NCOA7: variants seen among roughly 807,000 people sequenced by gnomAD.
NCOA7 encodes the protein nuclear receptor coactivator 7.
Under a neutral mutation model 104.3 loss-of-function variants are expected in NCOA7, and 45 were observed. The observed-to-expected ratio is 0.43, with a 90% CI of 0.34 to 0.55. The LOEUF (loss-of-function observed/expected upper bound fraction) is 0.55. NCOA7 is among the 20% of genes least tolerant of loss of function. The pLI, the probability that NCOA7 is intolerant of heterozygous loss-of-function variation, is 0.02. For synonymous variants in NCOA7, 398 were observed against 402.3 expected (o/e 0.99, Z 0.13); for missense variants, 1,041 against 1,119.7 (o/e 0.93, Z 1.00).
At position 125,920,962 on chromosome 6, in the gene NCOA7, C is replaced by G; in HGVS notation, c.2264C>G (p.Ala755Gly). The G allele has an allele frequency of 6.2e-7, 1 of 1,613,350 alleles. No individual in the cohort carries two copies. Among genetic ancestry groups the G allele is most frequent in the East Asian group, 2.2e-5 (1 of 44,828 alleles). Residue 755 changes from alanine (A) to glycine (G), a missense_variant, in exon 12 of 16, where the codon GCA becomes GGA. This residue lies in a region of NCOA7 where 914 missense variants were observed against 942.7 expected (regional missense o/e 0.97). Coordinates refer to ENST00000392477, the MANE Select transcript of NCOA7 (RefSeq NM_181782.5). ...TTTCAGATCATCACTGTTGAAGAGGCAAAGCGCAGGAAGAGCACATGCAGC... is the reference window on the plus strand; with the variant it reads ...TTTCAGATCATCACTGTTGAAGAGGGAAAGCGCAGGAAGAGCACATGCAGC... ...KSWEIITVEE[A>G]KRRKSTCSYY...
In NCOA7 at chr6:125,885,338, G is replaced by A. The variant is rs1784166847; in HGVS notation, c.879G>A (p.Leu293=). 1 of 1,612,866 alleles carries A rather than the reference G, an allele frequency of 6.2e-7. No homozygotes were observed. Among genetic ancestry groups the A allele is most frequent in the Non-Finnish European group, 8.5e-7 (1 of 1,179,182 alleles). Residue 293 remains leucine (L), a synonymous_variant, in exon 8 of 16, where the codon TTG becomes TTA. Coordinates refer to ENST00000392477, the MANE Select transcript of NCOA7 (RefSeq NM_181782.5). The part of the protein sequence containing the change: ...DISHMKIKDA[L]PSDLPQDLCP... ...CTCACATGAAGATCAAAGATGCCTT[G>A]CCATCGTAAGACATTTATTTGTTTA...
intron 10 of NCOA7, among the ~76,000 whole-genome samples, chr6:125,891,137 G>A (rs1784593246): frequency 1.3e-5 from 2 of 152,256 alleles, no homozygotes; most frequent in African/African-American, 4.8e-5. Context: ...GGAATACTAT[G>A]GAGCAGATCC....
chr6:125,796,398 A>G (rs1775337838), intron 1 of NCOA7, among the ~76,000 whole-genome samples: 1 of 129,016 alleles, frequency 7.8e-6, no homozygotes. Context: ...GGTTCCAGGT[A>G]GTGGGTTCCA....
chr6:125,857,682 T>C (rs1781691190), intron 3 of NCOA7, among the ~76,000 whole-genome samples: 1 of 152,012 alleles, frequency 6.6e-6, no homozygotes, highest in South Asian at 2.1e-4. Context: ...TGCCTCAGCC[T>C]CTCGAGTAGC....
Position 125,882,542 on chromosome 6 carries a change from C to T in NCOA7, c.690C>T (p.Thr230=), listed in dbSNP as rs762632268. The T allele has an allele frequency of 8.0e-5, 129 of 1,612,486 alleles. No homozygotes were observed. Among genetic ancestry groups the T allele is most frequent in the Non-Finnish European group, 9.7e-5 (114 of 1,179,254 alleles). ...KFLKMNCRYF[T]DGKGVVGGVM... ...TAAAAATGAATTGTCGATACTTCACCGATGGAAAGGTATATAGCAATGTAA... is the reference window on the plus strand; with the variant it reads ...TAAAAATGAATTGTCGATACTTCACTGATGGAAAGGTATATAGCAATGTAA... The change falls in exon 7 of 16, where the codon ACC becomes ACT. Residue 230 remains threonine, a synonymous_variant. Transcript: ENST00000392477.
intron 1 of NCOA7, among the ~76,000 whole-genome samples, chr6:125,805,087 C>CTTTTTTTTTTTTT (rs59737297): frequency 1.0e-4 from 6 of 58,040 alleles, no homozygotes; most frequent in African/African-American, 2.5e-4. Context: ...CCCTCTTGTT[C>CTTTTTTTTTTTTT]TTTTTTTTTT....
intron 3 of NCOA7, among the ~76,000 whole-genome samples, chr6:125,856,424 C>T (rs1781556610): frequency 1.3e-5 from 2 of 152,070 alleles, no homozygotes; most frequent in South Asian, 4.1e-4. Context: ...GCGATCTCGG[C>T]TCACTGTAAG....
Position 125,890,780 on chromosome 6 carries a change from C to G in NCOA7, c.2066C>G (p.Pro689Arg). The G allele has an allele frequency of 6.2e-7, 1 of 1,612,362 alleles. No individual in the cohort carries two copies. Among genetic ancestry groups the G allele is most frequent in the Non-Finnish European group, 8.5e-7 (1 of 1,179,288 alleles). Residue 689 changes from proline (P) to arginine (R), a missense_variant, in exon 10 of 16, where the codon CCA becomes CGA. Physicochemically the swap from Pro to Arg is moderately radical, Grantham distance 103. Around this residue, in one of 2 missense-constraint regions of NCOA7, gnomAD observed 914 missense variants for 942.7 expected, o/e 0.97. Coordinates refer to ENST00000392477, the MANE Select transcript of NCOA7 (RefSeq NM_181782.5). Reference sequence around the variant, plus strand: ...CAGTACGGCAAACGGAGAAAGCAGCCAGAGTACTGGTTTGCTGTTCCTCGG... The same window carrying G: ...CAGTACGGCAAACGGAGAAAGCAGCGAGAGTACTGGTTTGCTGTTCCTCGG... ...VQQYGKRRKQ[P>R]EYWFAVPRER...
chr6:125,899,953 G>A (rs760866537), intron 10 of NCOA7: 9 of 530,834 alleles, frequency 1.7e-5, no homozygotes, highest in South Asian at 4.2e-5. Context: ...TAGCTTTGGA[G>A]AATAGCTGAG....
At chr6:125,845,798 C>T (rs1397833604) in intron 2 of NCOA7, among the ~76,000 whole-genome samples, 1 of 152,080 alleles carries the variant, frequency 6.6e-6, no homozygotes, top group Non-Finnish European at 1.5e-5. Context: ...TCTTCTCTCC[C>T]CACTCATTGA....
intron 3 of NCOA7, among the ~76,000 whole-genome samples, chr6:125,870,061 G>A (rs955079827): frequency 6.6e-6 from 1 of 152,154 alleles, no homozygotes; most frequent in African/African-American, 2.4e-5. Flanking sequence ...GCCTTGCTCT[G>A]TGCATCATAA....
chr6:125,830,031 T>C (rs1204026616), intron 2 of NCOA7, among the ~76,000 whole-genome samples: 3 of 152,222 alleles, frequency 2.0e-5, no homozygotes, highest in Non-Finnish European at 2.9e-5. Flanking sequence ...GTTTTCAGCC[T>C]GGACTTGAAC....
In NCOA7 at chr6:125,890,809, A is replaced by T. The variant is rs779757696; in HGVS notation, c.2095A>T (p.Arg699Trp). The T allele has an allele frequency of 6.2e-7, 1 of 1,602,810 alleles. No individual in the cohort carries two copies. The change falls in exon 10 of 16, where the codon AGG becomes TGG. Residue 699 changes from arginine to tryptophan, a missense_variant and splice_region_variant. By Grantham distance (101) the Arg-to-Trp change is moderately radical. Transcript: ENST00000392477. Reference sequence around the variant, plus strand: ...GTACTGGTTTGCTGTTCCTCGGGAGAGGTGAGTATGGGCTACAATGGAAAG... The same window carrying T: ...GTACTGGTTTGCTGTTCCTCGGGAGTGGTGAGTATGGGCTACAATGGAAAG... The part of the protein sequence containing the change: ...PEYWFAVPRE[R>W]VDHLYTFFVQ...
chr6:125,826,097 G>A (rs1778634937), intron 2 of NCOA7, among the ~76,000 whole-genome samples: 2 of 152,210 alleles, frequency 1.3e-5, no homozygotes, highest in Admixed American at 6.5e-5. Flanking sequence ...AGGCCAAGGC[G>A]GGTGTATTGC....
At chr6:125,859,125 A>G (rs1693451218) in intron 3 of NCOA7, among the ~76,000 whole-genome samples, 1 of 152,120 alleles carries the variant, frequency 6.6e-6, no homozygotes, top group Non-Finnish European at 1.5e-5. Context: ...CTCTGTGATG[A>G]ATCTGATATG....
At chr6:125,834,409 G>A (rs1390031920) in intron 2 of NCOA7, among the ~76,000 whole-genome samples, 1 of 152,038 alleles carries the variant, frequency 6.6e-6, no homozygotes, top group Admixed American at 6.6e-5. Context: ...TATTTACTTA[G>A]TTGTTTATTG....
rs1223537569 is a variant in NCOA7, at chr6:125,890,741, C to T, written c.2027C>T (p.Ala676Val). 6.2e-7 allele frequency: 1 copy of T among 1,613,822 alleles called. No homozygotes were observed. The highest frequency in any genetic ancestry group is 8.5e-7 in the Non-Finnish European group (1 of 1,179,872). ...AGAAAATCCTTTGCCACTCACACTG[C>T]AGCCATGGTCCAGCAGTACGGCAAA... ...PMRKSFATHTAAMVQQYGKRR... is the reference protein window; with the variant it reads ...PMRKSFATHTVAMVQQYGKRR... The change falls in exon 10 of 16, where the codon GCA (alanine) becomes GTA (valine). Residue 676 changes from alanine to valine, a missense_variant. Coordinates refer to ENST00000392477, the MANE Select transcript of NCOA7 (RefSeq NM_181782.5).
intron 7 of NCOA7, among the ~76,000 whole-genome samples, chr6:125,882,763 G>C (rs948592245): frequency 1.3e-5 from 2 of 152,126 alleles, no homozygotes; most frequent in African/African-American, 4.8e-5. Flanking sequence ...GATTCTTTGT[G>C]ATCTTGGATT....
In NCOA7 at chr6:125,802,658, T is replaced by G. The variant is rs147470437; in HGVS notation, c.-65+11591T>G. 1.6e-3 allele frequency among the ~76,000 whole-genome samples: 237 copies of G among 152,316 alleles called. 1 individual carries two copies. Among genetic ancestry groups the G allele is most frequent in the African/African-American group, 5.3e-3 (221 of 41,562 alleles). ...CTGCACAGCAAAGGGTACGGATGTATAATTATCTTACAGCAAGGGAAGAAG... is the reference window on the plus strand; with the variant it reads ...CTGCACAGCAAAGGGTACGGATGTAGAATTATCTTACAGCAAGGGAAGAAG... On this transcript the variant is annotated intron_variant, in intron 1 of 15. Transcript: ENST00000392477.
Sources: allele counts gnomAD v4.1 joint callset (sites outside exome capture counted in the v4.1 genomes callset), GRCh38; gene constraint gnomAD v4.1.1; regional missense constraint gnomAD v4.1.1; transcripts MANE v1.5; gene names NCBI Gene and HGNC (gene_info 2026-07-23, HGNC 2026-07-21).